RHBDD1: variants seen among roughly 807,000 people sequenced by gnomAD.
The protein encoded by RHBDD1 is rhomboid domain containing 1.
Under a neutral mutation model 36.3 loss-of-function variants are expected in RHBDD1, and 38 were observed. The ratio of observed to expected loss-of-function variants is 1.05; its 90% CI spans 0.81 to 1.37. The LOEUF (loss-of-function observed/expected upper bound fraction) is 1.37. Ranked by LOEUF, RHBDD1 falls within the 40% of genes most tolerant of loss-of-function variation. The probability of loss-of-function intolerance (pLI) is 0.00; values close to 1 mark genes in which losing one functional copy is unlikely to be tolerated. For missense variants in RHBDD1, 393 were observed against 377.6 expected (o/e 1.04, Z -0.34); for synonymous variants, 151 against 136.5 (o/e 1.11, Z -0.74).
intron 8 of RHBDD1, chr2:226,988,322 A>C: frequency 6.5e-7 from 1 of 1,548,312 alleles, no homozygotes; most frequent in Non-Finnish European, 8.7e-7. Flanking sequence ...CCCCACCTGA[A>C]CATCTGCAGG....
intron 8 of RHBDD1, among the ~76,000 whole-genome samples, chr2:226,973,492 A>C (rs1296247546): frequency 6.6e-6 from 1 of 152,100 alleles, no homozygotes; most frequent in Non-Finnish European, 1.5e-5. Context: ...CCATTCTAAG[A>C]TTGGTGTTTA....
At chr2:226,855,787 G>A (rs918761744) in intron 3 of RHBDD1, among the ~76,000 whole-genome samples, 1 of 152,186 alleles carries the variant, frequency 6.6e-6, no homozygotes, top group African/African-American at 2.4e-5. Flanking sequence ...GAGTGTCACA[G>A]TAGTCATAAA....
rs185403726 is a variant in RHBDD1, at chr2:226,945,804, T to G, written c.856+31453T>G. On this transcript the variant is annotated intron_variant, in intron 8 of 8. Coordinates refer to ENST00000392062, the MANE Select transcript of RHBDD1 (RefSeq NM_001167608.3). ...GTAAAAGTGTTCCTGTTTCTCCACATCCTCTCCAGCATCTGTTTTTTACTG... is the reference window on the plus strand; with the variant it reads ...GTAAAAGTGTTCCTGTTTCTCCACAGCCTCTCCAGCATCTGTTTTTTACTG... Among the ~76,000 whole-genome samples the G allele has an allele frequency of 1.3e-3, 192 of 152,284 alleles. 5 individuals carry two copies. The highest frequency in any genetic ancestry group is 2.4e-4 in the Non-Finnish European group (16 of 68,014).
chr2:226,812,563 C>T, the RHBDD1 span, among the ~76,000 whole-genome samples: 2 of 152,134 alleles, frequency 1.3e-5, no homozygotes, highest in Non-Finnish European at 2.9e-5. Context: ...TTTAGTAGAT[C>T]TATATGTCCC....
chr2:226,943,215 A>G (rs897461267), intron 8 of RHBDD1, among the ~76,000 whole-genome samples: 3 of 152,224 alleles, frequency 2.0e-5, no homozygotes, highest in Admixed American at 1.3e-4. Context: ...ACTAATCTCA[A>G]TCAGAGGACC....
At chr2:226,878,887 GA>G (rs1396050085) in intron 5 of RHBDD1, among the ~76,000 whole-genome samples, 1 of 152,170 alleles carries the variant, frequency 6.6e-6, no homozygotes. Context: ...GAGTCGGGGA[GA>G]GTAGAGTGAA....
the RHBDD1 span, among the ~76,000 whole-genome samples, chr2:226,815,296 A>C: frequency 1.3e-5 from 2 of 152,220 alleles, no homozygotes; most frequent in African/African-American, 4.8e-5. Context: ...CACTAATGAC[A>C]TGACAAGTTA....
intron 1 of RHBDD1, among the ~76,000 whole-genome samples, chr2:226,836,435 A>T (rs1249285871): frequency 6.6e-6 from 1 of 152,180 alleles, no homozygotes; most frequent in Non-Finnish European, 1.5e-5. Context: ...AGGAAGTTTG[A>T]AGTGACGTTG....
chr2:226,988,619 C>T, intron 8 of RHBDD1: 1 of 1,351,002 alleles, frequency 7.4e-7, no homozygotes, highest in Non-Finnish European at 9.5e-7. Context: ...CCCCTCCGAG[C>T]AGACACATTG....
intron 5 of RHBDD1, among the ~76,000 whole-genome samples, chr2:226,883,082 AGGACACAGTTT>A (rs561014772): frequency 1.7e-3 from 256 of 152,352 alleles, no homozygotes; most frequent in African/African-American, 6.0e-3. Flanking sequence ...TAATTTTGAG[AGGACACAGTTT>A]GGTCCATAAG....
At chr2:226,957,294 T>G (rs1022548539) in intron 8 of RHBDD1, among the ~76,000 whole-genome samples, 2 of 152,166 alleles carry the variant, frequency 1.3e-5, no homozygotes, top group Non-Finnish European at 2.9e-5. Context: ...TCGAAAACTC[T>G]TAGAAGAAAA....
chr2:226,926,543 T>C (rs1949683783), intron 8 of RHBDD1, among the ~76,000 whole-genome samples: 1 of 152,230 alleles, frequency 6.6e-6, no homozygotes, highest in Non-Finnish European at 1.5e-5. Context: ...TTTCTGTATA[T>C]ATTGGCACTT....
the RHBDD1 span, chr2:226,804,189 T>C: frequency 6.6e-6 from 1 of 152,204 alleles, no homozygotes; most frequent in Non-Finnish European, 1.5e-5. Flanking sequence ...AGAGTTATTA[T>C]CAAACAGTTG....
At chr2:226,826,668 G>A in the RHBDD1 span, among the ~76,000 whole-genome samples, 1 of 151,764 alleles carries the variant, frequency 6.6e-6, no homozygotes, top group African/African-American at 2.4e-5. Flanking sequence ...CTACAGGCAG[G>A]AGCCACCACA....
At chr2:226,911,781 T>G (rs1208607192) in intron 7 of RHBDD1, among the ~76,000 whole-genome samples, 1 of 152,074 alleles carries the variant, frequency 6.6e-6, no homozygotes, top group African/African-American at 2.4e-5. Context: ...GAAAATGTAC[T>G]TGTCTCCTTC....
At chr2:226,938,547 A>G (rs1950487548) in intron 8 of RHBDD1, among the ~76,000 whole-genome samples, 2 of 152,266 alleles carry the variant, frequency 1.3e-5, no homozygotes, top group South Asian at 2.1e-4. Context: ...ATTCATGTAC[A>G]TACACCCTTC....
chr2:226,970,616 G>A (rs544768474), intron 8 of RHBDD1, among the ~76,000 whole-genome samples: 8 of 152,308 alleles, frequency 5.3e-5, no homozygotes, highest in Admixed American at 2.6e-4. Flanking sequence ...CAAACATAGC[G>A]AGAGGCACTC....
intron 3 of RHBDD1, among the ~76,000 whole-genome samples, chr2:226,844,772 C>G (rs2125015530): frequency 6.6e-6 from 1 of 152,218 alleles, no homozygotes; most frequent in South Asian, 2.1e-4. Flanking sequence ...TTACACTAAA[C>G]CGTGTGGTTT....
At chr2:226,814,913 G>C in the RHBDD1 span, among the ~76,000 whole-genome samples, 1 of 152,182 alleles carries the variant, frequency 6.6e-6, no homozygotes, top group Admixed American at 6.5e-5. Context: ...TGCACACACT[G>C]GATTACAGCA....
Sources: allele counts gnomAD v4.1 joint callset (sites outside exome capture counted in the v4.1 genomes callset), GRCh38; gene constraint gnomAD v4.1.1; transcripts MANE v1.5; gene names NCBI Gene and HGNC (gene_info 2026-07-23, HGNC 2026-07-21).